Variants in INSRR observed in about 807,000 individuals in gnomAD.
The protein encoded by INSRR is insulin receptor related receptor.
INSRR carries 114 observed loss-of-function variants against 130.0 expected under a neutral mutation model. The ratio of observed to expected loss-of-function variants is 0.88; its 90% CI spans 0.75 to 1.02. The LOEUF is 1.02. Among genes scored for constraint, INSRR ranks in the 50% least tolerant of loss-of-function variants. The pLI, the probability that INSRR is intolerant of heterozygous loss-of-function variation, is 0.00. For synonymous variants in INSRR, 674 were observed against 705.2 expected (o/e 0.96, Z 0.70); for missense variants, 1,657 against 1,735.2 (o/e 0.95, Z 0.80).
In INSRR at chr1:156,846,078, A is replaced by T; in HGVS notation, c.1852T>A (p.Ser618Thr). The change falls in exon 9 of 22, where the codon TCC becomes ACC. Residue 618 changes from serine to threonine, a missense_variant. Physicochemically the swap from Ser to Thr is moderately conservative, Grantham distance 58. Transcript: ENST00000368195. ...PQDVISTSNS[S>T]SHLLVRWKPP... ...TTCCAGCGCACCAGGAGGTGGGAGG[A>T]GGAGTTGGACGTGGAGATGACGTCT... The T allele has an allele frequency of 1.9e-6, 3 of 1,610,858 alleles. No individual in the cohort carries two copies. Among genetic ancestry groups the T allele is most frequent in the Non-Finnish European group, 2.5e-6 (3 of 1,178,224 alleles).
At position 156,844,591 on chromosome 1, in the gene INSRR, A is replaced by G. The variant is rs377672084; in HGVS notation, c.2608T>C (p.Tyr870His). The part of the protein sequence containing the change: ...ATVLCVSRLR[Y>H]AKFGGVHLAL... ...AGGTGGACTCCCCCAAACTTCGCAT[A>G]TCGAAGACGGGACACACACAGCACT... Residue 870 changes from tyrosine (Y) to histidine (H), a missense_variant, in exon 14 of 22, where the codon TAT becomes CAT. Transcript: ENST00000368195. The G allele has an allele frequency of 6.2e-7, 1 of 1,614,216 alleles. No homozygotes were observed. The highest frequency in any genetic ancestry group is 8.5e-7 in the Non-Finnish European group (1 of 1,180,022).
chr1:156,845,176 G>C lies in INSRR; in HGVS notation c.2337C>G (p.His779Gln), dbSNP rs371698286. 244 of 1,610,976 alleles carry C rather than the reference G, an allele frequency of 1.5e-4. No individual in the cohort carries two copies. The highest frequency in any genetic ancestry group is 2.0e-4 in the Non-Finnish European group (234 of 1,178,990). The change falls in exon 12 of 22, where the codon CAC becomes CAG. Residue 779 changes from histidine to glutamine, a missense_variant. By Grantham distance (24) the His-to-Gln change is conservative. Coordinates refer to ENST00000368195, the MANE Select transcript of INSRR (RefSeq NM_014215.3). Reference protein sequence around the residue: ...RERAVLSGLRHFTEYRIDIHA... With the variant: ...RERAVLSGLRQFTEYRIDIHA... Reference sequence around the variant, plus strand: ...GGATGTCGATCCGGTATTCCGTGAAGTGGCGCAGGCCGCTCAGCACCGCTC... The same window carrying C: ...GGATGTCGATCCGGTATTCCGTGAACTGGCGCAGGCCGCTCAGCACCGCTC...
rs780206165 is a variant in INSRR at position 156,846,666 on chromosome 1, T to A, written c.1663A>T (p.Thr555Ser). The change falls in exon 8 of 22, where the codon ACC (threonine) becomes TCC (serine). Residue 555 changes from threonine (T) to serine (S), a missense_variant. Thr to Ser is a moderately conservative substitution (Grantham distance 58). Coordinates refer to ENST00000368195, the MANE Select transcript of INSRR (RefSeq NM_014215.3). ...GCTAGGGTCACCCCTGGCTCCTGGG[T>A]GCGGCTTAGGGGCAGCTCCACATCC... is the stretch of plus-strand genomic sequence containing the variant. ...LLDVELPLSR[T>S]QEPGVTLASL... 6.2e-7 allele frequency: 1 copy of A among 1,614,150 alleles called. No individual in the cohort carries two copies. The highest frequency in any genetic ancestry group is 1.1e-5 in the South Asian group (1 of 91,086).
At position 156,850,804 on chromosome 1, in the gene INSRR, G is replaced by A. The variant is rs903286702; in HGVS notation, c.1229+486C>T. Among the ~76,000 whole-genome samples, 9 of 151,792 alleles carry A rather than the reference G, an allele frequency of 5.9e-5. No homozygotes were observed. In the South Asian group the frequency reaches 8.3e-4, roughly 14 times the overall value. On this transcript the variant is annotated intron_variant, in intron 5 of 21. Coordinates refer to ENST00000368195, the MANE Select transcript of INSRR (RefSeq NM_014215.3). ...ATTCCTGACCTCAAGTGATCCACCC[G>A]CCTCAGCCTCCCAAAGTGCAGGGAT...
At position 156,843,091 on chromosome 1, in the gene INSRR, C is replaced by T. The variant is rs1229283467; in HGVS notation, c.3039G>A (p.Lys1013=). ...AGEESTPVAL[K]TVNELASPRE... is the part of the protein sequence containing the mutation. Reference sequence around the variant, plus strand: ...GTGGGCTGGCCAGCTCATTCACCGTCTTCAGGGCCACGGGTGTGGACTCCT... The same window carrying T: ...GTGGGCTGGCCAGCTCATTCACCGTTTTCAGGGCCACGGGTGTGGACTCCT... The change falls in exon 17 of 22, where the codon AAG becomes AAA. Residue 1013 remains lysine (K), a synonymous_variant. Coordinates refer to ENST00000368195, the MANE Select transcript of INSRR (RefSeq NM_014215.3). 6.2e-7 allele frequency: 1 copy of T among 1,614,088 alleles called. No homozygotes were observed. The highest frequency in any genetic ancestry group is 8.5e-7 in the Non-Finnish European group (1 of 1,180,056).
chr1:156,855,711 G>A (rs886483187), intron 1 of INSRR, among the ~76,000 whole-genome samples: 6 of 152,094 alleles, frequency 3.9e-5, no homozygotes, highest in African/African-American at 1.4e-4. Flanking sequence ...TATAGTCTCA[G>A]CTACTCAGGA....
intron 15 of INSRR, 73 bp downstream of exon 15, chr1:156,844,102 C>T: frequency 9.2e-7 from 1 of 1,089,070 alleles, no homozygotes; most frequent in South Asian, 1.4e-5. Context: ...GTCTCATCTA[C>T]CTCCCTTTGA....
At chr1:156,852,553 C>T (rs992290706) in intron 2 of INSRR, among the ~76,000 whole-genome samples, 2 of 152,238 alleles carry the variant, frequency 1.3e-5, no homozygotes, top group Non-Finnish European at 1.5e-5. Flanking sequence ...GGGCCAGCCT[C>T]TCCTGAGCAG....
At position 156,854,930 on chromosome 1, in the gene INSRR, G is replaced by A. The variant is rs79831687; in HGVS notation, c.86-627C>T. On this transcript the variant is annotated intron_variant, in intron 1 of 21. Transcript: ENST00000368195. The surrounding 1 kb of genome is among the most constrained non-coding windows in gnomAD (Gnocchi z 4.2). ...ACTACAGCCTACAGGGCCCTGCACA[G>A]TTTGAGCCCTTGTAGCCTCTCTGAT... Among the ~76,000 whole-genome samples the A allele has an allele frequency of 0.031, 4,701 of 152,218 alleles. 235 individuals are homozygous for A. Among genetic ancestry groups the A allele is most frequent in the African/African-American group, 0.11 (4,412 of 41,504 alleles).
At position 156,842,438 on chromosome 1, in the gene INSRR, TC is replaced by T; in HGVS notation, c.3196del (p.Asp1066ThrfsTer27). 2 of 1,613,822 alleles carry T rather than the reference TC, an allele frequency of 1.2e-6. No homozygotes were observed. The highest frequency in any genetic ancestry group is 1.7e-6 in the Non-Finnish European group (2 of 1,179,930). On this transcript the variant is annotated frameshift_variant, in exon 18 of 22. Transcript: ENST00000368195. LOFTEE classifies it high-confidence loss of function. ...LVIMELMTRG[D>X]LKSHLRSLRP... ...CAAAGATCGAAGATGGCTCTTGAGG[TC>T]CCCACGGGTCATTAACTCCATGATG...
Position 156,840,808 on chromosome 1 carries a change from C to T in INSRR, c.*65G>A. On this transcript the variant is annotated 3_prime_UTR_variant, in exon 22 of 22. Coordinates refer to ENST00000368195, the MANE Select transcript of INSRR (RefSeq NM_014215.3). The stretch of plus-strand genomic sequence containing the variant: ...GGTGGGGGTGAACATTCAGGCGTCT[C>T]AGCCACAGAGGTCGGGTCCCTTCCT... The T allele has an allele frequency of 3.9e-6, 5 of 1,275,218 alleles. No individual in the cohort carries two copies. In the South Asian group the frequency reaches 6.3e-5, roughly 16 times the overall value. The allele number at this position is 1,275,218 out of a possible 1,614,324, so 79.0% of individuals were successfully genotyped here. A position where few individuals can be genotyped will look rare whatever the true frequency, so the allele number is the denominator to read the frequency against.
intron 5 of INSRR, among the ~76,000 whole-genome samples, chr1:156,850,503 G>A (rs931943018): frequency 2.0e-5 from 3 of 146,462 alleles, no homozygotes; most frequent in Non-Finnish European, 4.5e-5. Context: ...AGGAGCCACC[G>A]TGCCCGACCT....
intron 15 of INSRR, 129 bp downstream of exon 15, chr1:156,844,046 C>T (rs147953841): frequency 7.6e-5 from 51 of 675,454 alleles, no homozygotes; most frequent in African/African-American, 2.9e-4. Context: ...TCTGTGCCAC[C>T]GCAGGGGAAG....
chr1:156,845,464 G>A (rs928972931), intron 10 of INSRR, 51 bp from the exon 11 acceptor site: 1 of 1,520,688 alleles, frequency 6.6e-7, no homozygotes, highest in Non-Finnish European at 8.8e-7. Context: ...GCACCCCTGT[G>A]CCCTCTGCAG....
rs534117974 is a variant in INSRR, at chr1:156,841,334, C to T, written c.3662+60G>A. 129 of 904,192 alleles carry T rather than the reference C, an allele frequency of 1.4e-4. No homozygotes were observed. In the African/African-American group the frequency reaches 2.0e-3, roughly 14 times the overall value. The allele number at this position is 904,192 out of a possible 1,614,324, so 56.0% of individuals were successfully genotyped here. A position where few individuals can be genotyped will look rare whatever the true frequency, so the allele number is the denominator to read the frequency against. The stretch of plus-strand genomic sequence containing the variant: ...AGGAGGTGAGCCAGAATCATGGGGC[C>T]GGGTGGGGGAGGGTTGTAGGTAGAT... On this transcript the variant is annotated intron_variant, in intron 21 of 21. Coordinates refer to ENST00000368195, the MANE Select transcript of INSRR (RefSeq NM_014215.3).
intron 2 of INSRR, among the ~76,000 whole-genome samples, chr1:156,853,142 A>T (rs903941061): frequency 2.0e-5 from 3 of 151,076 alleles, no homozygotes; most frequent in African/African-American, 7.3e-5. Flanking sequence ...CTTTGCTCTC[A>T]CCTGTTCAGT....
chr1:156,843,318 G>T, intron 16 of INSRR, 85 bp from the exon 17 acceptor site: 1 of 1,561,128 alleles, frequency 6.4e-7, no homozygotes, highest in African/African-American at 1.4e-5. Context: ...TCTTCTGAAG[G>T]GCTCTTGTCC....
At position 156,846,630 on chromosome 1, in the gene INSRR, G is replaced by A. The variant is rs1186290190; in HGVS notation, c.1699C>T (p.Pro567Ser). ...ACAAACACTGCGTACTGTGTCCAAG[G>A]CTTGAGGGAGGCTAGGGTCACCCCT... Reference protein sequence around the residue: ...EPGVTLASLKPWTQYAVFVRA... With the variant: ...EPGVTLASLKSWTQYAVFVRA... The change falls in exon 8 of 22, where the codon CCT becomes TCT. Residue 567 changes from proline to serine, a missense_variant. By Grantham distance (74) the Pro-to-Ser change is moderately conservative. Coordinates refer to ENST00000368195, the MANE Select transcript of INSRR (RefSeq NM_014215.3). 7 of 1,614,098 alleles carry A rather than the reference G, an allele frequency of 4.3e-6. No homozygotes were observed. The South Asian group carries it at 7.7e-5, about 18-fold the overall frequency.
intron 8 of INSRR, among the ~76,000 whole-genome samples, 199 bp downstream of exon 8, chr1:156,846,320 G>C (rs1655006579): frequency 6.6e-6 from 1 of 151,862 alleles, no homozygotes; most frequent in African/African-American, 2.4e-5. Flanking sequence ...CTCAGCTATT[G>C]ACCCCGGACT....
Sources: allele counts gnomAD v4.1 joint callset (sites outside exome capture counted in the v4.1 genomes callset), GRCh38; gene constraint gnomAD v4.1.1; non-coding constraint Gnocchi (gnomAD v3.1); transcripts MANE v1.5; gene names NCBI Gene and HGNC (gene_info 2026-07-23, HGNC 2026-07-21).